FAM135B: variants seen among roughly 807,000 people sequenced by gnomAD.
The protein encoded by FAM135B is family with sequence similarity 135 member B.
FAM135B carries 43 observed loss-of-function variants against 127.7 expected under a neutral mutation model. The observed-to-expected ratio is 0.34, with a 90% CI of 0.26 to 0.43. The LOEUF is 0.43. Ranked by LOEUF, FAM135B falls within the 20% of genes least tolerant of loss-of-function variation. The pLI, the probability that FAM135B is intolerant of heterozygous loss-of-function variation, is 1.00. For missense variants in FAM135B, 1,558 were observed against 1,725.6 expected (o/e 0.90, Z 1.72); for synonymous variants, 670 against 665.1 (o/e 1.01, Z -0.11).
At chr8:138,145,890 G>A (rs547519538) in intron 15 of FAM135B, 69 bp downstream of exon 15, 2 of 795,044 alleles carry the variant, frequency 2.5e-6, no homozygotes, top group East Asian at 2.5e-5. Flanking sequence ...AATTATCATG[G>A]TGCATTTAGG....
chr8:138,286,925 C>T (rs917219935), intron 3 of FAM135B, among the ~76,000 whole-genome samples: 1 of 152,224 alleles, frequency 6.6e-6, no homozygotes, highest in Non-Finnish European at 1.5e-5. Context: ...CAGTTTACTT[C>T]CCTGAACCTC....
chr8:138,199,639 G>A (rs1419298094), intron 7 of FAM135B, among the ~76,000 whole-genome samples: 1 of 152,188 alleles, frequency 6.6e-6, no homozygotes, highest in Non-Finnish European at 1.5e-5. Context: ...ATAAAGGAAA[G>A]GCGTTTAATT....
At chr8:138,469,832 G>A (rs1837580330) in intron 1 of FAM135B, among the ~76,000 whole-genome samples, 1 of 152,292 alleles carries the variant, frequency 6.6e-6, no homozygotes, top group East Asian at 1.9e-4. Flanking sequence ...CCAACACAGA[G>A]CTCTCAGTAC....
rs1399910145 is a variant in FAM135B at position 138,242,517 on chromosome 8, GATT to G, written c.669+422_669+424del. 6.6e-6 allele frequency among the ~76,000 whole-genome samples: 1 copy of G among 152,064 alleles called. No individual in the cohort carries two copies. The highest frequency in any genetic ancestry group is 1.5e-5 in the Non-Finnish European group (1 of 68,016). ...TTTGGGTACATATAACACTCCATGAGATTATTAGCTATTGGGGAGCCCACTCTA... is the reference window on the plus strand; with the variant it reads ...TTTGGGTACATATAACACTCCATGAGATTAGCTATTGGGGAGCCCACTCTA... On this transcript the variant is annotated intron_variant, in intron 7 of 19. Transcript: ENST00000395297. This position sits in a 1 kb window ranked among gnomAD's most constrained non-coding sequence, Gnocchi z 9.6.
chr8:138,246,835 G>A (rs1275847645), intron 6 of FAM135B, among the ~76,000 whole-genome samples: 1 of 152,216 alleles, frequency 6.6e-6, no homozygotes, highest in Non-Finnish European at 1.5e-5. Flanking sequence ...CAGTAGAGGG[G>A]ACTGTACCCT....
chr8:138,445,685 A>C (rs1379351758), intron 1 of FAM135B, among the ~76,000 whole-genome samples: 1 of 152,182 alleles, frequency 6.6e-6, no homozygotes, highest in Non-Finnish European at 1.5e-5. Flanking sequence ...TGACAAACCC[A>C]CGGCCAATAT....
At chr8:138,166,873 G>A (rs898553135) in intron 12 of FAM135B, among the ~76,000 whole-genome samples, 2 of 152,060 alleles carry the variant, frequency 1.3e-5, no homozygotes, top group Admixed American at 6.6e-5. Flanking sequence ...CAATCAATCA[G>A]GAATATGGTA....
At chr8:138,344,521 C>T (rs1457912822) in intron 2 of FAM135B, among the ~76,000 whole-genome samples, 1 of 151,436 alleles carries the variant, frequency 6.6e-6, no homozygotes, top group Non-Finnish European at 1.5e-5. Flanking sequence ...TCCTCAAAGA[C>T]GCTTTTCCGA....
At chr8:138,319,242 G>A (rs2130934994) in intron 2 of FAM135B, among the ~76,000 whole-genome samples, 1 of 152,216 alleles carries the variant, frequency 6.6e-6, no homozygotes, top group South Asian at 2.1e-4. Context: ...AACTAGCTGG[G>A]ATTACAGGAG....
At chr8:138,163,623 G>A (rs1007135532) in intron 12 of FAM135B, among the ~76,000 whole-genome samples, 2 of 152,160 alleles carry the variant, frequency 1.3e-5, no homozygotes, top group African/African-American at 2.4e-5. Context: ...TTTGCCTGCT[G>A]CCATGTAAGA....
intron 1 of FAM135B, among the ~76,000 whole-genome samples, chr8:138,462,924 T>G (rs889067862): frequency 2.0e-5 from 3 of 152,174 alleles, no homozygotes; most frequent in Non-Finnish European, 4.4e-5. Context: ...ATCTATAGCT[T>G]CCTCTGTATT....
intron 4 of FAM135B, among the ~76,000 whole-genome samples, chr8:138,262,022 G>A (rs1278321959): frequency 2.0e-5 from 3 of 152,244 alleles, no homozygotes; most frequent in East Asian, 3.9e-4. Context: ...ACAATTAGCT[G>A]TGCCATTGTT....
chr8:138,213,412 A>G (rs535383265), intron 7 of FAM135B, among the ~76,000 whole-genome samples: 106 of 152,282 alleles, frequency 7.0e-4, no homozygotes, highest in Non-Finnish European at 1.1e-3. Context: ...TTCCCTCATA[A>G]TTAGACCACA....
intron 3 of FAM135B, among the ~76,000 whole-genome samples, chr8:138,304,628 C>T (rs1373999124): frequency 6.6e-6 from 1 of 152,192 alleles, no homozygotes. Context: ...ACTGCAAAAA[C>T]AGGAGCTGAG....
chr8:138,328,349 C>T (rs534151558), intron 2 of FAM135B, among the ~76,000 whole-genome samples: 35 of 152,292 alleles, frequency 2.3e-4, no homozygotes, highest in African/African-American at 8.4e-4. Context: ...CAGCATTTAA[C>T]CTATTTATGC....
chr8:138,471,367 C>A (rs369536540), intron 1 of FAM135B, among the ~76,000 whole-genome samples: 17 of 152,218 alleles, frequency 1.1e-4, no homozygotes, highest in East Asian at 9.7e-4. Context: ...ATGAGGAAAT[C>A]ATTAAGAGAA....
intron 7 of FAM135B, among the ~76,000 whole-genome samples, chr8:138,198,708 A>G (rs560859317): frequency 6.6e-6 from 1 of 152,334 alleles, no homozygotes; most frequent in South Asian, 2.1e-4. Context: ...TCCAATGAGG[A>G]AAAGACACCT....
intron 1 of FAM135B, among the ~76,000 whole-genome samples, chr8:138,467,824 TG>T (rs1302288236): frequency 1.3e-5 from 2 of 152,172 alleles, no homozygotes; most frequent in African/African-American, 4.8e-5. Flanking sequence ...CTTGAAAAAT[TG>T]GGAAATTATG....
intron 1 of FAM135B, among the ~76,000 whole-genome samples, chr8:138,404,108 C>A (rs1319724278): frequency 1.3e-5 from 2 of 152,008 alleles, no homozygotes; most frequent in African/African-American, 4.8e-5. Flanking sequence ...AGGTTCAGTG[C>A]CAGACCACCA....
Sources: allele counts gnomAD v4.1 joint callset (sites outside exome capture counted in the v4.1 genomes callset), GRCh38; gene constraint gnomAD v4.1.1; non-coding constraint Gnocchi (gnomAD v3.1); transcripts MANE v1.5; gene names NCBI Gene and HGNC (gene_info 2026-07-23, HGNC 2026-07-21).